Variants in TMEM63C observed in about 807,000 individuals in gnomAD.
TMEM63C encodes the protein transmembrane protein 63C.
Under a neutral mutation model 99.2 loss-of-function variants are expected in TMEM63C, and 32 were observed. The ratio of observed to expected loss-of-function variants is 0.32; its 90% confidence interval spans 0.24 to 0.43. TMEM63C has a LOEUF of 0.43. Among genes scored for constraint, TMEM63C ranks in the 20% least tolerant of loss-of-function variants. The pLI, the probability that TMEM63C is intolerant of heterozygous loss-of-function variation, is 1.00. For missense variants in TMEM63C, 826 were observed against 1,053.0 expected (o/e 0.78, Z 2.98); for synonymous variants, 376 against 397.9 (o/e 0.94, Z 0.66).
In TMEM63C at chr14:77,183,921, A is replaced by G. The variant is rs1887953803; in HGVS notation, c.-77+2027A>G. On this transcript the variant is annotated intron_variant, in intron 1 of 23. Transcript: ENST00000298351. ...ATGGTATGTGTCCCTCCCAGCTAGC[A>G]GAGAAAGGGTCAGGCCTCAGAGAGG... Among the ~76,000 whole-genome samples, 3 of 152,168 alleles carry G rather than the reference A, an allele frequency of 2.0e-5. No homozygotes were observed. The South Asian group carries it at 6.2e-4, about 32-fold the overall frequency.
chr14:77,254,784 G>A (rs1889432529), intron 23 of TMEM63C, among the ~76,000 whole-genome samples: 1 of 152,048 alleles, frequency 6.6e-6, no homozygotes. Context: ...TTACCACAGG[G>A]CTATATGAAC....
At chr14:77,216,018 T>C (rs1257646181) in intron 2 of TMEM63C, among the ~76,000 whole-genome samples, 1 of 152,022 alleles carries the variant, frequency 6.6e-6, no homozygotes, top group South Asian at 2.1e-4. Flanking sequence ...ATGGCTAATT[T>C]GGCTGGGCGC....
chr14:77,188,749 C>T (rs143845524), intron 1 of TMEM63C, among the ~76,000 whole-genome samples: 2 of 151,984 alleles, frequency 1.3e-5, no homozygotes, highest in East Asian at 3.9e-4. Context: ...ACCTGTAGAC[C>T]CAGCTACTTG....
intron 23 of TMEM63C, among the ~76,000 whole-genome samples, chr14:77,253,708 C>G (rs1398486500): frequency 6.6e-6 from 1 of 152,202 alleles, no homozygotes; most frequent in Admixed American, 6.5e-5. Flanking sequence ...GGATTGGCCT[C>G]GGGACCAAAG....
intron 5 of TMEM63C, among the ~76,000 whole-genome samples, chr14:77,221,543 TCACTCATGCCTCCCCTCC>T (rs1323644706): frequency 4.9e-4 from 3 of 6,116 alleles, no homozygotes; most frequent in Admixed American, 2.1e-3. Context: ...CTCTCGCCTC[TCACTCATGCCTCCCCTCC>T]CACTCATGCC....
Position 77,242,413 on chromosome 14 carries a change from C to G in TMEM63C, c.1131C>G (p.Ile377Met). The G allele has an allele frequency of 6.2e-7, 1 of 1,613,784 alleles. No individual in the cohort carries two copies. The highest frequency in any genetic ancestry group is 8.5e-7 in the Non-Finnish European group (1 of 1,179,804). The change falls in exon 14 of 24, where the codon ATC becomes ATG. Residue 377 changes from isoleucine to methionine, a missense_variant. Transcript: ENST00000298351. ...CCCAGCAGTCCTCAGTGACCACCAT[C>G]GTCAAATCATATTACTGGAGGGTCA... ...VQPQQSSVTTIVKSYYWRVTM... is the reference protein window; with the variant it reads ...VQPQQSSVTTMVKSYYWRVTM...
chr14:77,240,381 C>T (rs1004460350), intron 12 of TMEM63C, 94 bp from the exon 13 acceptor site: 10 of 1,434,988 alleles, frequency 7.0e-6, no homozygotes, highest in African/African-American at 2.8e-5. Flanking sequence ...AAGGCCACCA[C>T]AATCCAGGGA....
chr14:77,243,844 T>C (rs980451590), intron 15 of TMEM63C, among the ~76,000 whole-genome samples: 1 of 152,026 alleles, frequency 6.6e-6, no homozygotes, highest in Non-Finnish European at 1.5e-5. Context: ...GACGTGTGCA[T>C]GCACGCACAC....
At chr14:77,221,764 C>T (rs1271357583) in intron 5 of TMEM63C, among the ~76,000 whole-genome samples, 1 of 149,520 alleles carries the variant, frequency 6.7e-6, no homozygotes, top group Non-Finnish European at 1.5e-5. Flanking sequence ...TGAAGGTCAG[C>T]AGTGGTTCCC....
intron 7 of TMEM63C, 27 bp downstream of exon 7, chr14:77,231,757 G>A (rs184667343): frequency 1.9e-6 from 3 of 1,550,872 alleles, no homozygotes; most frequent in African/African-American, 2.7e-5. Flanking sequence ...TGGCCCTGGG[G>A]CAGCAGCTGG....
At chr14:77,233,907 T>G (rs1017103042) in intron 8 of TMEM63C, among the ~76,000 whole-genome samples, 1 of 151,820 alleles carries the variant, frequency 6.6e-6, no homozygotes, top group Non-Finnish European at 1.5e-5. Context: ...CCCCTCAGAG[T>G]CCCACAGCAG....
chr14:77,220,206 C>A, intron 5 of TMEM63C, 119 bp downstream of exon 5: 1 of 945,414 alleles, frequency 1.1e-6, no homozygotes, highest in African/African-American at 1.6e-5. Flanking sequence ...GCCTCAACCA[C>A]TCTGGCAGTG....
intron 1 of TMEM63C, among the ~76,000 whole-genome samples, chr14:77,189,889 A>G (rs1346451712): frequency 6.6e-6 from 1 of 152,198 alleles, no homozygotes; most frequent in Non-Finnish European, 1.5e-5. Flanking sequence ...CTGACTTTGT[A>G]TCAAGCTGTC....
intron 6 of TMEM63C, among the ~76,000 whole-genome samples, chr14:77,226,589 G>A (rs1217956958): frequency 6.6e-6 from 1 of 152,098 alleles, no homozygotes; most frequent in Non-Finnish European, 1.5e-5. Flanking sequence ...GAAGAGTTTC[G>A]ACAGGCGCGA....
chr14:77,226,550 A>G (rs1046996982), intron 6 of TMEM63C, among the ~76,000 whole-genome samples: 1 of 152,158 alleles, frequency 6.6e-6, no homozygotes, highest in Admixed American at 6.5e-5. Flanking sequence ...CTGGAAAAGT[A>G]TAGTTTTGAG....
At chr14:77,240,887 C>T (rs939959286) in intron 13 of TMEM63C, among the ~76,000 whole-genome samples, 1 of 151,728 alleles carries the variant, frequency 6.6e-6, no homozygotes. Context: ...ACCTCATGGT[C>T]CCTCTTCTGC....
chr14:77,233,237 G>A lies in TMEM63C; in HGVS notation c.494-215G>A, dbSNP rs1286851687. Among the ~76,000 whole-genome samples, 10 of 152,240 alleles carry A rather than the reference G, an allele frequency of 6.6e-5. No homozygotes were observed. In the East Asian group the frequency reaches 1.4e-3, roughly 21 times the overall value. On this transcript the variant is annotated intron_variant, in intron 7 of 23. Coordinates refer to ENST00000298351, the MANE Select transcript of TMEM63C (RefSeq NM_020431.4). Reference sequence around the variant, plus strand: ...AGATACCACACAAAGAAGTGTTCTCGCTTTCCTCCCGAGAGCCCCAGTCAG... The same window carrying A: ...AGATACCACACAAAGAAGTGTTCTCACTTTCCTCCCGAGAGCCCCAGTCAG...
chr14:77,216,549 G>A lies in TMEM63C; in HGVS notation c.-13-2252G>A, dbSNP rs4903560. On this transcript the variant is annotated intron_variant, in intron 2 of 23. Coordinates refer to ENST00000298351, the MANE Select transcript of TMEM63C (RefSeq NM_020431.4). ...TCAACTCTTGGTTTCACCCTTGCACGCACTCCCCCTCCACCTCTACTGTCC... is the reference window on the plus strand; with the variant it reads ...TCAACTCTTGGTTTCACCCTTGCACACACTCCCCCTCCACCTCTACTGTCC... 3.3e-5 allele frequency among the ~76,000 whole-genome samples: 5 copies of A among 151,810 alleles called. No individual in the cohort carries two copies. The East Asian group carries it at 7.8e-4, about 24-fold the overall frequency.
chr14:77,200,924 G>A (rs1888289962), intron 1 of TMEM63C: 1 of 151,172 alleles, frequency 6.6e-6, no homozygotes, highest in African/African-American at 2.4e-5. Context: ...CAGAGTCTTA[G>A]CACAGCAGCT....
Sources: gnomAD v4.1 joint callset for allele counts (sites outside exome capture counted in the v4.1 genomes callset) on GRCh38, gnomAD v4.1.1 for gene constraint, MANE v1.5 for transcripts, NCBI Gene and HGNC (gene_info 2026-07-23, HGNC 2026-07-21) for gene names.